The following CNTN5 variants were observed in gnomAD, a reference collection of about 807,000 sequenced individuals.
CNTN5 encodes contactin 5.
In CNTN5, 77 loss-of-function variants were observed where a neutral mutation model predicts 129.1. The observed-to-expected ratio is 0.60, with a 90% CI of 0.50 to 0.72. CNTN5 has a LOEUF of 0.72. CNTN5 is among the 30% of genes least tolerant of loss of function. CNTN5 has a pLI of 0.00. For synonymous variants in CNTN5, 509 were observed against 465.6 expected (o/e 1.09, Z -1.20); for missense variants, 1,478 against 1,328.8 (o/e 1.11, Z -1.75).
intron 3 of CNTN5, among the ~76,000 whole-genome samples, chr11:99,648,931 G>T (rs908904720): frequency 6.6e-6 from 1 of 151,664 alleles, no homozygotes; most frequent in African/African-American, 2.4e-5. Flanking sequence ...GGGATAGGGA[G>T]AAATTTGTTA....
At chr11:99,219,284 A>C (rs1472298085) in intron 1 of CNTN5, among the ~76,000 whole-genome samples, 1 of 151,920 alleles carries the variant, frequency 6.6e-6, no homozygotes, top group African/African-American at 2.4e-5. Flanking sequence ...ATAGTATACT[A>C]TATAAAGGTA....
chr11:100,356,761 T>G lies in CNTN5; in HGVS notation c.*541T>G, dbSNP rs1246695867. 3 of 154,774 alleles carry G rather than the reference T, an allele frequency of 1.9e-5. No homozygotes were observed. The highest frequency in any genetic ancestry group is 7.2e-5 in the African/African-American group (3 of 41,402). The allele number at this position is 154,774 out of a possible 1,614,324, so 9.6% of individuals were successfully genotyped here. ...TAAGATAAGTACACAAAAATTTTCTTGAAAAATATTGTATGATTGCATAGT... is the reference window on the plus strand; with the variant it reads ...TAAGATAAGTACACAAAAATTTTCTGGAAAAATATTGTATGATTGCATAGT... On this transcript the variant is annotated 3_prime_UTR_variant, in exon 25 of 25. Transcript: ENST00000524871.
intron 2 of CNTN5, among the ~76,000 whole-genome samples, chr11:99,431,450 A>G (rs1943367258): frequency 6.6e-6 from 1 of 152,210 alleles, no homozygotes; most frequent in Non-Finnish European, 1.5e-5. Context: ...GGAAATGAGT[A>G]AAATTCTAGA....
intron 2 of CNTN5, among the ~76,000 whole-genome samples, chr11:99,539,344 A>C (rs1231974623): frequency 6.6e-6 from 1 of 152,092 alleles, no homozygotes; most frequent in African/African-American, 2.4e-5. Flanking sequence ...AAACTGAAAC[A>C]GTAGACTTTA....
At chr11:100,289,021 A>C (rs927473764) in intron 18 of CNTN5, among the ~76,000 whole-genome samples, 12 of 152,320 alleles carry the variant, frequency 7.9e-5, no homozygotes, top group South Asian at 4.1e-4. Flanking sequence ...GAAATGGATA[A>C]ATTCCTCGAA....
At chr11:99,060,891 G>C (rs528806302) in intron 1 of CNTN5, among the ~76,000 whole-genome samples, 98 of 152,176 alleles carry the variant, frequency 6.4e-4, no homozygotes, top group Non-Finnish European at 1.1e-3. Flanking sequence ...TATCCTATGA[G>C]AGAGTGCAAG....
At chr11:99,364,589 T>C (rs1485695161) in intron 2 of CNTN5, among the ~76,000 whole-genome samples, 12 of 152,126 alleles carry the variant, frequency 7.9e-5, no homozygotes, top group African/African-American at 2.9e-4. Flanking sequence ...TTCAAAACTA[T>C]GTTACATTTT....
chr11:100,236,127 G>A (rs1031438820), intron 16 of CNTN5, among the ~76,000 whole-genome samples: 5 of 152,142 alleles, frequency 3.3e-5, no homozygotes, highest in African/African-American at 1.2e-4. Context: ...CCTGTTCAGG[G>A]AACATCACGT....
At chr11:100,084,269 T>A (rs61174777) in intron 13 of CNTN5, among the ~76,000 whole-genome samples, 1 of 152,198 alleles carries the variant, frequency 6.6e-6, no homozygotes, top group East Asian at 1.9e-4. Context: ...TTGTCCTTAA[T>A]ACAAACAGCA....
At chr11:99,715,288 T>C (rs1955171710) in intron 3 of CNTN5, among the ~76,000 whole-genome samples, 1 of 151,714 alleles carries the variant, frequency 6.6e-6, no homozygotes, top group Non-Finnish European at 1.5e-5. Context: ...ACATTTTACA[T>C]AAAATCTGAG....
chr11:99,495,739 G>A (rs1946200830), intron 2 of CNTN5, among the ~76,000 whole-genome samples: 2 of 152,096 alleles, frequency 1.3e-5, no homozygotes, highest in African/African-American at 4.8e-5. Context: ...TACGGAAGGG[G>A]GAGTGTTTTA....
intron 1 of CNTN5, among the ~76,000 whole-genome samples, chr11:99,253,673 A>G (rs187873451): frequency 7.0e-4 from 106 of 151,828 alleles, no homozygotes; most frequent in Middle Eastern, 3.4e-3. Context: ...TTTAGATTGT[A>G]TGCACTCTGA....
At chr11:100,307,059 C>T (rs892951679) in intron 20 of CNTN5, among the ~76,000 whole-genome samples, 4 of 151,566 alleles carry the variant, frequency 2.6e-5, no homozygotes, top group Non-Finnish European at 5.9e-5. Context: ...TTTGCAGTAA[C>T]AGGGTAGATA....
At chr11:99,410,638 T>C (rs1426381287) in intron 2 of CNTN5, among the ~76,000 whole-genome samples, 2 of 152,244 alleles carry the variant, frequency 1.3e-5, no homozygotes, top group Non-Finnish European at 2.9e-5. Context: ...CAAATTCTCC[T>C]TGATTTTCCC....
chr11:99,933,273 T>C (rs1368822339), intron 7 of CNTN5, among the ~76,000 whole-genome samples: 1 of 152,204 alleles, frequency 6.6e-6, no homozygotes, highest in Non-Finnish European at 1.5e-5. Flanking sequence ...AGTTGGCAAA[T>C]TAATATTTGA....
At chr11:99,637,558 T>C (rs866935368) in intron 3 of CNTN5, among the ~76,000 whole-genome samples, 2 of 152,164 alleles carry the variant, frequency 1.3e-5, no homozygotes, top group South Asian at 2.1e-4. Flanking sequence ...TAGGGGTTAC[T>C]GAAAAATAAT....
chr11:99,121,734 A>G (rs1200477388), intron 1 of CNTN5, among the ~76,000 whole-genome samples: 2 of 152,142 alleles, frequency 1.3e-5, no homozygotes, highest in Non-Finnish European at 2.9e-5. Flanking sequence ...CCTTCTGCCT[A>G]CAGTATTTTC....
intron 2 of CNTN5, among the ~76,000 whole-genome samples, chr11:99,505,933 G>A (rs1465600677): frequency 2.0e-5 from 3 of 152,162 alleles, no homozygotes; most frequent in Non-Finnish European, 4.4e-5. Flanking sequence ...TGCCAATTCC[G>A]AACTCTGTGT....
At chr11:99,862,275 A>G (rs530491046) in intron 6 of CNTN5, among the ~76,000 whole-genome samples, 16 of 152,264 alleles carry the variant, frequency 1.1e-4, no homozygotes, top group African/African-American at 3.8e-4. Context: ...CTTTTACATG[A>G]TCTTTTGAAC....
Sources: gnomAD v4.1 joint callset for allele counts (sites outside exome capture counted in the v4.1 genomes callset) on GRCh38, gnomAD v4.1.1 for gene constraint, MANE v1.5 for transcripts, NCBI Gene and HGNC (gene_info 2026-07-23, HGNC 2026-07-21) for gene names.